The following NDST4 variants were observed in gnomAD, a reference collection of about 807,000 sequenced individuals.
The protein encoded by NDST4 is N-deacetylase and N-sulfotransferase 4.
Under a neutral mutation model 100.8 loss-of-function variants are expected in NDST4, and 63 were observed. The observed-to-expected ratio is 0.62, with a 90% confidence interval of 0.51 to 0.77. The LOEUF (loss-of-function observed/expected upper bound fraction) is 0.77. Ranked by LOEUF, NDST4 falls within the 30% of genes least tolerant of loss-of-function variation. The pLI is 0.00. For missense variants in NDST4, 943 were observed against 1,018.4 expected, an observed-to-expected ratio of 0.93 and a Z score of 1.01; for synonymous variants, 377 against 361.8, an observed-to-expected ratio of 1.04 and a Z score of -0.48.
intron 2 of NDST4, among the ~76,000 whole-genome samples, chr4:114,993,717 G>A (rs553431375): frequency 1.3e-5 from 2 of 151,926 alleles, no homozygotes; most frequent in Admixed American, 6.6e-5. Flanking sequence ...TCTATCTTCC[G>A]CTAATCAACT....
In NDST4 at chr4:115,027,085, G is replaced by A. The variant is rs928333229; in HGVS notation, c.978+48974C>T. 2.6e-5 allele frequency among the ~76,000 whole-genome samples: 4 copies of A among 152,220 alleles called. No homozygotes were observed. In the South Asian group the frequency reaches 6.2e-4, roughly 24 times the overall value. ...ACCTTATCTATTGGAGTGTTCATGG[G>A]TTCTTTGAAGTTTATCAGCACTGTG... is the stretch of plus-strand genomic sequence containing the variant. On this transcript the variant is annotated intron_variant, in intron 2 of 13. Coordinates refer to ENST00000264363, the MANE Select transcript of NDST4 (RefSeq NM_022569.3).
intron 2 of NDST4, among the ~76,000 whole-genome samples, chr4:114,980,227 G>C (rs1726736431): frequency 6.6e-6 from 1 of 152,120 alleles, no homozygotes; most frequent in Admixed American, 6.5e-5. Flanking sequence ...TTTTGGAAAA[G>C]CTTGTTAATG....
At chr4:114,858,997 G>A (rs1723861792) in intron 7 of NDST4, among the ~76,000 whole-genome samples, 1 of 152,216 alleles carries the variant, frequency 6.6e-6, no homozygotes, top group South Asian at 2.1e-4. Flanking sequence ...ACAGGGAGAA[G>A]TATCTTTGGC....
intron 2 of NDST4, among the ~76,000 whole-genome samples, chr4:114,987,015 G>C (rs1241027696): frequency 6.6e-6 from 1 of 151,114 alleles, no homozygotes; most frequent in African/African-American, 2.4e-5. Context: ...TTTCCTAAAG[G>C]CAAAGTATTT....
chr4:114,940,349 G>A (rs1163026380), intron 4 of NDST4, among the ~76,000 whole-genome samples: 2 of 152,028 alleles, frequency 1.3e-5, no homozygotes, highest in Admixed American at 1.3e-4. Flanking sequence ...TCAAAAATTA[G>A]AATAAAATAA....
chr4:115,092,578 G>A (rs896262567), intron 1 of NDST4, among the ~76,000 whole-genome samples: 4 of 152,100 alleles, frequency 2.6e-5, no homozygotes, highest in African/African-American at 9.7e-5. Context: ...TAGTATAAAA[G>A]TACTAAGGGA....
At chr4:114,911,989 G>A (rs1488297363) in intron 6 of NDST4, among the ~76,000 whole-genome samples, 1 of 152,124 alleles carries the variant, frequency 6.6e-6, no homozygotes, top group East Asian at 1.9e-4. Flanking sequence ...GACAGATGTA[G>A]TCTAATACAA....
intron 2 of NDST4, among the ~76,000 whole-genome samples, chr4:115,058,112 T>C (rs1267941490): frequency 6.6e-6 from 1 of 152,194 alleles, no homozygotes; most frequent in Non-Finnish European, 1.5e-5. Context: ...AAAGTATTTA[T>C]ATTTCTTTAA....
chr4:114,982,145 G>T (rs1726789029), intron 2 of NDST4, among the ~76,000 whole-genome samples: 1 of 152,198 alleles, frequency 6.6e-6, no homozygotes, highest in African/African-American at 2.4e-5. Flanking sequence ...TTGGTATTGG[G>T]AGTGGGGCAC....
intron 2 of NDST4, among the ~76,000 whole-genome samples, chr4:114,979,811 G>A (rs1402126703): frequency 1.3e-5 from 2 of 151,840 alleles, no homozygotes; most frequent in Non-Finnish European, 2.9e-5. Context: ...TAATGAGGGA[G>A]TAAAAATGAC....
intron 6 of NDST4, among the ~76,000 whole-genome samples, chr4:114,877,063 A>AACACAC (rs113975512): frequency 0.041 from 5,906 of 145,808 alleles, 309 homozygotes; most frequent in African/African-American, 0.13. Flanking sequence ...AAGTGTTATT[A>AACACAC]ACACACACAC....
At chr4:114,987,050 C>T (rs999954400) in intron 2 of NDST4, among the ~76,000 whole-genome samples, 10 of 151,652 alleles carry the variant, frequency 6.6e-5, no homozygotes, top group African/African-American at 2.2e-4. Flanking sequence ...GTAATAGTGA[C>T]GTAGAACTCA....
intron 6 of NDST4, among the ~76,000 whole-genome samples, chr4:114,909,758 G>A (rs979849231): frequency 2.6e-5 from 4 of 151,662 alleles, no homozygotes; most frequent in Admixed American, 2.0e-4. Flanking sequence ...GATATCATCG[G>A]TTTCCTTGGG....
At chr4:114,875,203 T>C (rs542389626) in intron 6 of NDST4, among the ~76,000 whole-genome samples, 2 of 152,312 alleles carry the variant, frequency 1.3e-5, no homozygotes, top group South Asian at 4.1e-4. Flanking sequence ...TCAAGCACTC[T>C]GGGCTGCCTT....
intron 3 of NDST4, among the ~76,000 whole-genome samples, chr4:114,976,139 C>T (rs968593015): frequency 4.6e-5 from 7 of 151,946 alleles, no homozygotes; most frequent in Non-Finnish European, 8.8e-5. Context: ...TGAGCTTTTA[C>T]ATTAAAAAGC....
At chr4:114,927,999 C>T (rs1725420105) in intron 6 of NDST4, among the ~76,000 whole-genome samples, 1 of 152,084 alleles carries the variant, frequency 6.6e-6, no homozygotes, top group African/African-American at 2.4e-5. Context: ...AACACATTTC[C>T]CCCGGGACTT....
rs1049541890 is a variant in NDST4 at position 114,967,386 on chromosome 4, C to A, written c.1221+3044G>T. Among the ~76,000 whole-genome samples, 7 of 152,214 alleles carry A rather than the reference C, an allele frequency of 4.6e-5. 1 individual carries two copies. The East Asian group carries it at 1.4e-3, about 29-fold the overall frequency. On this transcript the variant is annotated intron_variant, in intron 4 of 13. Coordinates refer to ENST00000264363, the MANE Select transcript of NDST4 (RefSeq NM_022569.3). ...GTAGTTTCTAGCCACGCTGACTAAA[C>A]AAATGTAATTACTCTGAATGGACTC...
chr4:114,833,022 A>G (rs1723235077), intron 12 of NDST4, among the ~76,000 whole-genome samples: 1 of 152,224 alleles, frequency 6.6e-6, no homozygotes, highest in African/African-American at 2.4e-5. Flanking sequence ...GAGCGAAGAC[A>G]AGCCATCCTT....
chr4:115,034,371 C>G (rs1728188033), intron 2 of NDST4, among the ~76,000 whole-genome samples: 2 of 151,968 alleles, frequency 1.3e-5, no homozygotes. Context: ...TGCCATTGAT[C>G]TCATCTGTCA....
Sources: allele counts gnomAD v4.1 joint callset (sites outside exome capture counted in the v4.1 genomes callset), GRCh38; gene constraint gnomAD v4.1.1; transcripts MANE v1.5; gene names NCBI Gene and HGNC (gene_info 2026-07-23, HGNC 2026-07-21).